Variants in DSCAM observed in about 807,000 individuals in gnomAD.
DSCAM encodes DS cell adhesion molecule, also known as cell adhesion molecule DSCAM.
DSCAM carries 47 observed loss-of-function variants against 217.7 expected under a neutral mutation model. That is an observed-to-expected ratio of 0.22 (90% CI 0.17 to 0.28). The LOEUF (loss-of-function observed/expected upper bound fraction) is 0.28, where lower values mean the gene tolerates loss of function less well. DSCAM is among the 10% of genes least tolerant of loss of function. The pLI is 1.00. For missense variants in DSCAM, 2,080 were observed against 2,618.3 expected, an observed-to-expected ratio of 0.79 and a Z score of 4.49; for synonymous variants, 1,056 against 1,015.3, an observed-to-expected ratio of 1.04 and a Z score of -0.76.
chr21:40,492,274 A>C (rs973406573), intron 3 of DSCAM, among the ~76,000 whole-genome samples: 12 of 152,202 alleles, frequency 7.9e-5, no homozygotes, highest in Admixed American at 5.9e-4. Flanking sequence ...TTTCTATTTG[A>C]ATATAGGTCA....
chr21:40,778,950 G>A (rs566877538), intron 1 of DSCAM, among the ~76,000 whole-genome samples: 1 of 151,480 alleles, frequency 6.6e-6, no homozygotes, highest in South Asian at 2.1e-4. Context: ...CTTGAATTCG[G>A]GAGGCAGAGG....
At chr21:40,109,703 C>T (rs11910964) in intron 20 of DSCAM, among the ~76,000 whole-genome samples, 99 of 152,342 alleles carry the variant, frequency 6.5e-4, no homozygotes, top group African/African-American at 2.3e-3. Context: ...CCTGGAAAAT[C>T]GGGTCACTCC....
At chr21:40,770,901 C>CA (rs2091438370) in intron 1 of DSCAM, among the ~76,000 whole-genome samples, 1 of 152,260 alleles carries the variant, frequency 6.6e-6, no homozygotes, top group South Asian at 2.1e-4. Flanking sequence ...AAGTAAAATG[C>CA]AAAAACAGAA....
intron 19 of DSCAM, among the ~76,000 whole-genome samples, chr21:40,129,140 G>A (rs1174250351): frequency 6.6e-6 from 1 of 152,056 alleles, no homozygotes; most frequent in South Asian, 2.1e-4. Context: ...ACTTGTGCAT[G>A]CACAAACATG....
rs2088063842 is a variant in DSCAM, at chr21:40,011,983, T to C, written c.*1051A>G. On this transcript the variant is annotated 3_prime_UTR_variant, in exon 33 of 33. Transcript: ENST00000400454. The stretch of plus-strand genomic sequence containing the variant: ...TAGGCTTCATGGGCTATACCATCTC[T>C]GCTGCAACTATTCAGCTCTACCATT... 6.6e-6 allele frequency: 1 copy of C among 152,236 alleles called. No homozygotes were observed. Among genetic ancestry groups the C allele is most frequent in the Non-Finnish European group, 1.5e-5 (1 of 68,050 alleles). 9.4% of individuals were successfully genotyped at this position (152,236 alleles called of 1,614,324 possible). A position where few individuals can be genotyped will look rare whatever the true frequency, so the allele number is the denominator to read the frequency against.
rs560119039 is a variant in DSCAM at position 40,486,197 on chromosome 21, C to A, written c.509-116952G>T. Among the ~76,000 whole-genome samples the A allele has an allele frequency of 5.9e-5, 9 of 152,318 alleles. No individual in the cohort carries two copies. In the South Asian group the frequency reaches 1.9e-3, roughly 32 times the overall value. On this transcript the variant is annotated intron_variant, in intron 3 of 32. Coordinates refer to ENST00000400454, the MANE Select transcript of DSCAM (RefSeq NM_001389.5). ...AGTGAATATACAGTAACACAGTCAACAAAGCACATGAAATGCATTCACCAG... is the reference window on the plus strand; with the variant it reads ...AGTGAATATACAGTAACACAGTCAAAAAAGCACATGAAATGCATTCACCAG...
intron 3 of DSCAM, among the ~76,000 whole-genome samples, chr21:40,449,647 T>G (rs1315906811): frequency 6.6e-6 from 1 of 152,224 alleles, no homozygotes; most frequent in African/African-American, 2.4e-5. Flanking sequence ...CTGCATCATA[T>G]GACTTATGCC....
intron 1 of DSCAM, among the ~76,000 whole-genome samples, chr21:40,837,753 G>A (rs543000569): frequency 3.9e-5 from 6 of 152,278 alleles, no homozygotes; most frequent in Non-Finnish European, 5.9e-5. Context: ...AACTAGATCC[G>A]GCAGGAGTGA....
At chr21:40,462,382 C>G (rs1005941602) in intron 3 of DSCAM, among the ~76,000 whole-genome samples, 8 of 152,208 alleles carry the variant, frequency 5.3e-5, no homozygotes, top group South Asian at 2.1e-4. Context: ...GGCTAACACT[C>G]TGGTTTGACA....
At chr21:40,755,955 GT>G (rs2091271564) in intron 1 of DSCAM, among the ~76,000 whole-genome samples, 1 of 152,230 alleles carries the variant, frequency 6.6e-6, no homozygotes, top group Non-Finnish European at 1.5e-5. Context: ...GATGCAAGAA[GT>G]TGGGAATTAA....
intron 11 of DSCAM, among the ~76,000 whole-genome samples, chr21:40,243,828 A>G (rs1229965117): frequency 6.6e-6 from 1 of 152,172 alleles, no homozygotes; most frequent in Admixed American, 6.5e-5. Context: ...GCTTGTCATC[A>G]CATTAATTTC....
intron 3 of DSCAM, among the ~76,000 whole-genome samples, chr21:40,689,820 C>T (rs2090519996): frequency 1.3e-5 from 2 of 152,220 alleles, no homozygotes; most frequent in South Asian, 4.1e-4. Flanking sequence ...TTTTACAGGT[C>T]ATCTGCTGTG....
chr21:40,152,123 A>AAAC (rs1555884106), intron 16 of DSCAM, among the ~76,000 whole-genome samples: 1 of 151,594 alleles, frequency 6.6e-6, no homozygotes, highest in Non-Finnish European at 1.5e-5. Context: ...ATGGAAAAAA[A>AAAC]AAAACACAAA....
At chr21:40,249,777 T>C (rs1156740752) in intron 11 of DSCAM, among the ~76,000 whole-genome samples, 3 of 152,080 alleles carry the variant, frequency 2.0e-5, no homozygotes, top group Non-Finnish European at 4.4e-5. Context: ...CATGGCTTCA[T>C]GGGGAAAATG....
chr21:40,629,232 A>G (rs1248091347), intron 3 of DSCAM, among the ~76,000 whole-genome samples: 1 of 152,156 alleles, frequency 6.6e-6, no homozygotes, highest in Non-Finnish European at 1.5e-5. Flanking sequence ...TCATGGGTCA[A>G]ACCATTTGGG....
At chr21:40,501,625 C>G (rs1400596333) in intron 3 of DSCAM, among the ~76,000 whole-genome samples, 3 of 152,170 alleles carry the variant, frequency 2.0e-5, no homozygotes, top group Non-Finnish European at 4.4e-5. Context: ...GAGTTTTGCT[C>G]TTGTTGCCCA....
chr21:40,468,842 T>TA (rs936902356), intron 3 of DSCAM, among the ~76,000 whole-genome samples: 1 of 151,530 alleles, frequency 6.6e-6, no homozygotes, highest in Non-Finnish European at 1.5e-5. Flanking sequence ...AATAAAGATT[T>TA]AAAAAAAAAT....
At chr21:40,408,345 T>A (rs1429098243) in intron 3 of DSCAM, among the ~76,000 whole-genome samples, 1 of 152,088 alleles carries the variant, frequency 6.6e-6, no homozygotes, top group Non-Finnish European at 1.5e-5. Context: ...CTTATTAAAA[T>A]AGATTATCAT....
At chr21:40,434,689 CCT>C (rs1387967885) in intron 3 of DSCAM, among the ~76,000 whole-genome samples, 14 of 152,132 alleles carry the variant, frequency 9.2e-5, no homozygotes, top group Non-Finnish European at 1.9e-4. Context: ...CCTGATATGC[CCT>C]GTGTATAATG....
Sources: allele counts gnomAD v4.1 joint callset (sites outside exome capture counted in the v4.1 genomes callset), GRCh38; gene constraint gnomAD v4.1.1; transcripts MANE v1.5; gene names NCBI Gene and HGNC (gene_info 2026-07-23, HGNC 2026-07-21).